The following CADM1 variants were observed in gnomAD, a reference collection of about 807,000 sequenced individuals.
CADM1 encodes TSLC-1.
A neutral mutation model predicts 53.1 loss-of-function variants in CADM1; 15 were observed. The observed-to-expected ratio is 0.28, with a 90% CI of 0.19 to 0.44. The LOEUF (loss-of-function observed/expected upper bound fraction) is 0.44. Ranked by LOEUF, CADM1 falls within the 20% of genes least tolerant of loss-of-function variation. The pLI is 1.00. For missense variants in CADM1, 434 were observed against 611.3 expected (o/e 0.71, Z 3.06); for synonymous variants, 281 against 243.0 (o/e 1.16, Z -1.45).
chr11:115,353,705 G>T (rs1029220542), intron 1 of CADM1, among the ~76,000 whole-genome samples: 8 of 152,088 alleles, frequency 5.3e-5, no homozygotes, highest in Admixed American at 1.3e-4. Flanking sequence ...TTTTATCAGA[G>T]CTCTGACCTG....
chr11:115,428,181 G>GA (rs1219624215), intron 1 of CADM1, among the ~76,000 whole-genome samples: 2 of 152,078 alleles, frequency 1.3e-5, no homozygotes, highest in African/African-American at 2.4e-5. Context: ...AAATATTTAT[G>GA]AAAAAACGTA....
chr11:115,307,281 T>G (rs1944400350), intron 1 of CADM1, among the ~76,000 whole-genome samples: 1 of 151,868 alleles, frequency 6.6e-6, no homozygotes, highest in African/African-American at 2.4e-5. Context: ...CAAATAATTT[T>G]TAGCAATTTT....
intron 1 of CADM1, among the ~76,000 whole-genome samples, chr11:115,462,031 G>A (rs1948806465): frequency 6.6e-6 from 1 of 152,072 alleles, no homozygotes; most frequent in African/African-American, 2.4e-5. Context: ...GCCGGTAGAG[G>A]GAGAAAAAAG....
At chr11:115,404,235 A>C (rs1947239506) in intron 1 of CADM1, among the ~76,000 whole-genome samples, 1 of 147,844 alleles carries the variant, frequency 6.8e-6, no homozygotes, top group Non-Finnish European at 1.5e-5. Context: ...CTGAGGCAGG[A>C]GAATTGCTTG....
intron 1 of CADM1, among the ~76,000 whole-genome samples, chr11:115,475,816 C>G (rs534828235): frequency 6.6e-6 from 1 of 152,102 alleles, no homozygotes; most frequent in African/African-American, 2.4e-5. Flanking sequence ...ATGAGGGGAT[C>G]CGGGTGAGTG....
intron 8 of CADM1, among the ~76,000 whole-genome samples, chr11:115,198,853 T>C (rs1940286910): frequency 6.6e-6 from 1 of 152,180 alleles, no homozygotes; most frequent in Non-Finnish European, 1.5e-5. Context: ...TTCATAACAT[T>C]CAAACATTGC....
At chr11:115,475,306 T>G (rs1442583678) in intron 1 of CADM1, among the ~76,000 whole-genome samples, 2 of 152,210 alleles carry the variant, frequency 1.3e-5, no homozygotes, top group Non-Finnish European at 2.9e-5. Context: ...AGGCTAAGAA[T>G]TTTTATTTTT....
chr11:115,290,869 A>G (rs995288037), intron 1 of CADM1, among the ~76,000 whole-genome samples: 1 of 152,178 alleles, frequency 6.6e-6, no homozygotes, highest in African/African-American at 2.4e-5. Flanking sequence ...TTAAATATCT[A>G]AACATCAAAT....
chr11:115,173,829 C>T lies in CADM1; in HGVS notation c.*2645G>A, dbSNP rs533322122. On this transcript the variant is annotated 3_prime_UTR_variant, in exon 12 of 12. Coordinates refer to ENST00000331581, the MANE Select transcript of CADM1 (RefSeq NM_001301043.2). ...TGGCCTAAAGGGAAAAATAAGACGT[C>T]GGTGTGACTAAAGAACAAGCTTATT... 20 of 982,804 alleles carry T rather than the reference C, an allele frequency of 2.0e-5. No individual in the cohort carries two copies. The South Asian group carries it at 2.4e-4, about 12-fold the overall frequency. 60.9% of individuals were successfully genotyped at this position (982,804 alleles called of 1,614,324 possible). A position where few individuals can be genotyped will look rare whatever the true frequency, so the allele number is the denominator to read the frequency against.
intron 9 of CADM1, among the ~76,000 whole-genome samples, chr11:115,197,963 C>T (rs544777796): frequency 1.3e-5 from 2 of 152,270 alleles, no homozygotes; most frequent in Admixed American, 6.5e-5. Flanking sequence ...CCTGGTCTAC[C>T]CTTCCATCTC....
rs746705418 is a variant in CADM1, at chr11:115,178,678, G to A, written c.1263C>T (p.Leu421=). The A allele has an allele frequency of 3.1e-6, 5 of 1,613,644 alleles. No homozygotes were observed. The highest frequency in any genetic ancestry group is 1.6e-4 in the Middle Eastern group (1 of 6,062). Residue 421 remains leucine, a synonymous_variant, in exon 11 of 12, where the codon CTC becomes CTT. Transcript: ENST00000331581. ...TGGCAAAATAGCGCCCCAGAATGAT[G>A]AGCAAGCACAGCATGGCGAACACCA... ...AVVVFAMLCL[L]IILGRYFARH...
intron 1 of CADM1, among the ~76,000 whole-genome samples, chr11:115,439,592 A>G (rs1948262284): frequency 6.6e-6 from 1 of 152,234 alleles, no homozygotes; most frequent in South Asian, 2.1e-4. Context: ...TGTTTTGCAG[A>G]GATGTCCACA....
At chr11:115,380,624 T>C (rs1946551731) in intron 1 of CADM1, among the ~76,000 whole-genome samples, 1 of 152,340 alleles carries the variant, frequency 6.6e-6, no homozygotes, top group South Asian at 2.1e-4. Flanking sequence ...AACTTTTAAA[T>C]ACTAGGATAT....
intron 1 of CADM1, among the ~76,000 whole-genome samples, chr11:115,391,832 T>C (rs1946843781): frequency 1.3e-5 from 2 of 152,182 alleles, no homozygotes; most frequent in South Asian, 2.1e-4. Context: ...TTCCCGCCCA[T>C]GCATGCAGAC....
chr11:115,491,882 C>T lies in CADM1; in HGVS notation c.124+12389G>A, dbSNP rs147951929. On this transcript the variant is annotated intron_variant, in intron 1 of 11. Transcript: ENST00000331581. Reference sequence around the variant, plus strand: ...AAACCAAACACTGCATGTTCTCACTCATAGGTGGGAATTGAACAATGAGAA... The same window carrying T: ...AAACCAAACACTGCATGTTCTCACTTATAGGTGGGAATTGAACAATGAGAA... Among the ~76,000 whole-genome samples, 317 of 152,294 alleles carry T rather than the reference C, an allele frequency of 2.1e-3. 2 individuals carry two copies. The highest frequency in any genetic ancestry group is 7.2e-3 in the African/African-American group (301 of 41,560).
At chr11:115,433,902 C>T (rs1948117774) in intron 1 of CADM1, among the ~76,000 whole-genome samples, 1 of 152,192 alleles carries the variant, frequency 6.6e-6, no homozygotes, top group African/African-American at 2.4e-5. Context: ...TCAGAAAATA[C>T]TCAATTATTT....
chr11:115,247,083 T>C (rs565846206), intron 1 of CADM1, among the ~76,000 whole-genome samples: 1 of 152,342 alleles, frequency 6.6e-6, no homozygotes, highest in East Asian at 1.9e-4. Context: ...TAACGTTCTC[T>C]ATTTTCGCTT....
intron 1 of CADM1, among the ~76,000 whole-genome samples, chr11:115,468,099 G>A (rs925546573): frequency 1.3e-5 from 2 of 152,122 alleles, no homozygotes; most frequent in African/African-American, 2.4e-5. Flanking sequence ...GTATCTACAA[G>A]AAAGATAAGT....
At chr11:115,451,747 T>C (rs1339426551) in intron 1 of CADM1, among the ~76,000 whole-genome samples, 1 of 152,060 alleles carries the variant, frequency 6.6e-6, no homozygotes, top group Non-Finnish European at 1.5e-5. Flanking sequence ...AATTTAGGCA[T>C]ATAAGAGGAG....
Sources: allele counts gnomAD v4.1 joint callset (sites outside exome capture counted in the v4.1 genomes callset), GRCh38; gene constraint gnomAD v4.1.1; transcripts MANE v1.5; gene names NCBI Gene and HGNC (gene_info 2026-07-23, HGNC 2026-07-21).